Variants in NEIL3 observed in about 807,000 individuals in gnomAD.
NEIL3 encodes the protein nei like DNA glycosylase 3, also known as endonuclease 8-like 3.
A neutral mutation model predicts 57.5 loss-of-function variants in NEIL3; 48 were observed. The observed-to-expected ratio is 0.83, with a 90% CI of 0.66 to 1.06. The LOEUF is 1.06. Ranked by LOEUF, NEIL3 falls within the 50% of genes least tolerant of loss-of-function variation. The pLI, the probability that NEIL3 is intolerant of heterozygous loss-of-function variation, is 0.00. For synonymous variants in NEIL3, 261 were observed against 253.2 expected, an observed-to-expected ratio of 1.03 and a Z score of -0.29; for missense variants, 717 against 739.1, an observed-to-expected ratio of 0.97 and a Z score of 0.35.
intron 1 of NEIL3, among the ~76,000 whole-genome samples, chr4:177,314,332 T>A (rs1049434148): frequency 7.2e-5 from 11 of 152,288 alleles, no homozygotes; most frequent in African/African-American, 2.6e-4. Flanking sequence ...AAGATGAACA[T>A]ATTCGGCATG....
intron 2 of NEIL3, among the ~76,000 whole-genome samples, chr4:177,325,606 A>C (rs1381611722): frequency 6.6e-6 from 1 of 152,088 alleles, no homozygotes; most frequent in Non-Finnish European, 1.5e-5. Context: ...TGGTAAGCAT[A>C]TGTTTGACTT....
At chr4:177,330,169 C>T (rs1734855120) in intron 2 of NEIL3, among the ~76,000 whole-genome samples, 13 of 152,078 alleles carry the variant, frequency 8.5e-5, no homozygotes, top group Admixed American at 8.5e-4. Flanking sequence ...GCCTTGGCCT[C>T]CCAAAGTGCT....
At chr4:177,343,462 G>A (rs1210478216) in intron 6 of NEIL3, 2 of 152,352 alleles carry the variant, frequency 1.3e-5, no homozygotes, top group African/African-American at 4.8e-5. Context: ...GAGACTCAGG[G>A]CACCACTCGG....
At chr4:177,369,603 T>G in the NEIL3 span, among the ~76,000 whole-genome samples, 2 of 152,098 alleles carry the variant, frequency 1.3e-5, no homozygotes, top group Non-Finnish European at 2.9e-5. Context: ...AAATGATCAA[T>G]CCTGCCAGTG....
At position 177,339,839 on chromosome 4, in the gene NEIL3, C is replaced by T. The variant is rs1404960111; in HGVS notation, c.684C>T (p.Phe228=). The change falls in exon 5 of 10, where the codon TTC becomes TTT. Residue 228 remains phenylalanine (F), a synonymous_variant. Coordinates refer to ENST00000264596, the MANE Select transcript of NEIL3 (RefSeq NM_018248.3). ...IHHLMKMIRD[F]SILFYRCRKA... ...ACCTCATGAAAATGATACGTGATTT[C>T]AGCATTCTCTTTTACAGGGTAAGAG... The T allele has an allele frequency of 1.2e-6, 2 of 1,613,086 alleles. No individual in the cohort carries two copies. The highest frequency in any genetic ancestry group is 1.3e-5 in the African/African-American group (1 of 74,900).
chr4:177,352,904 T>C (rs1735389339), intron 7 of NEIL3, among the ~76,000 whole-genome samples: 2 of 152,306 alleles, frequency 1.3e-5, no homozygotes, highest in South Asian at 4.1e-4. Flanking sequence ...CACTTTGTCT[T>C]GTCATTCCTA....
At chr4:177,360,718 A>T in intron 9 of NEIL3, 41 bp downstream of exon 9, 1 of 1,466,950 alleles carries the variant, frequency 6.8e-7, no homozygotes, top group South Asian at 1.3e-5. Flanking sequence ...ATGTAATTAA[A>T]TGCTTTGGTT....
At chr4:177,310,339 C>T (rs532267503) in intron 1 of NEIL3, among the ~76,000 whole-genome samples, 1 of 152,314 alleles carries the variant, frequency 6.6e-6, no homozygotes, top group Admixed American at 6.5e-5. Context: ...GAGCAAGATG[C>T]CCTAGGGGAA....
chr4:177,343,677 C>G (rs1380741480), intron 6 of NEIL3: 1 of 152,128 alleles, frequency 6.6e-6, no homozygotes, highest in East Asian at 1.9e-4. Context: ...TCTATATCTT[C>G]TTCCACTCAG....
intron 6 of NEIL3, among the ~76,000 whole-genome samples, chr4:177,348,412 C>A (rs370112953): frequency 2.0e-5 from 3 of 152,062 alleles, no homozygotes; most frequent in African/African-American, 7.2e-5. Flanking sequence ...CCTGTGAGCT[C>A]GGAACGATGC....
chr4:177,321,235 C>G (rs1262496761), intron 1 of NEIL3, among the ~76,000 whole-genome samples: 1 of 152,102 alleles, frequency 6.6e-6, no homozygotes, highest in African/African-American at 2.4e-5. Flanking sequence ...CACTGCCCAC[C>G]AAGGTTTCGT....
chr4:177,313,711 G>A (rs937904765), intron 1 of NEIL3, among the ~76,000 whole-genome samples: 1 of 152,086 alleles, frequency 6.6e-6, no homozygotes, highest in Non-Finnish European at 1.5e-5. Context: ...TTGAAACATG[G>A]TCTGATTATT....
Position 177,348,858 on chromosome 4 carries a change from A to ATTTTTTTTTTTTTTTTTT in NEIL3, c.870-2512_870-2495dup, listed in dbSNP as rs749391559. Among the ~76,000 whole-genome samples the ATTTTTTTTTTTTTTTTTT allele has an allele frequency of 9.6e-4, 71 of 73,736 alleles. 17 individuals are homozygous for ATTTTTTTTTTTTTTTTTT. The highest frequency in any genetic ancestry group is 3.1e-3 in the African/African-American group (52 of 16,566). 48.4% of individuals were successfully genotyped at this position (73,736 alleles called of 152,430 possible). The stretch of plus-strand genomic sequence containing the variant: ...AGAATTGCAGATTGGTGGCTCATGA[A>ATTTTTTTTTTTTTTTTTT]TTTTTTTTTTTTTTTTTTTTTTTTT... On this transcript the variant is annotated intron_variant, in intron 6 of 9. Coordinates refer to ENST00000264596, the MANE Select transcript of NEIL3 (RefSeq NM_018248.3).
chr4:177,338,370 A>G (rs1735019116), intron 4 of NEIL3, among the ~76,000 whole-genome samples: 1 of 152,182 alleles, frequency 6.6e-6, no homozygotes, highest in South Asian at 2.1e-4. Context: ...CCAAGTCCAT[A>G]CATACTGAAG....
chr4:177,364,974 AAG>A (rs1406741568), downstream of NEIL3, among the ~76,000 whole-genome samples: 2 of 152,144 alleles, frequency 1.3e-5, no homozygotes, highest in African/African-American at 2.4e-5. Flanking sequence ...CCATGCAAGA[AAG>A]AGATTTTGCA....
downstream of NEIL3, among the ~76,000 whole-genome samples, chr4:177,364,157 TC>T (rs1735661272): frequency 2.0e-5 from 3 of 151,850 alleles, no homozygotes; most frequent in South Asian, 6.3e-4. Flanking sequence ...CAGCGTTCTT[TC>T]AGACTTAATT....
intron 8 of NEIL3, 73 bp from the exon 9 acceptor site, chr4:177,360,428 CAT>C (rs1735583392): frequency 3.9e-6 from 4 of 1,036,916 alleles, no homozygotes; most frequent in Non-Finnish European, 5.4e-6. Flanking sequence ...GAAATTCTGA[CAT>C]GTGGGGGTAA....
chr4:177,351,845 C>T (rs559576890), intron 7 of NEIL3, among the ~76,000 whole-genome samples: 5 of 152,252 alleles, frequency 3.3e-5, no homozygotes, highest in Admixed American at 3.3e-4. Flanking sequence ...TTCAATAAAG[C>T]TTTGTTTTAT....
At chr4:177,357,915 C>G (rs545583365) in intron 8 of NEIL3, among the ~76,000 whole-genome samples, 1 of 152,222 alleles carries the variant, frequency 6.6e-6, no homozygotes, top group Non-Finnish European at 1.5e-5. Context: ...ATTCTGTATG[C>G]TACATTTAAG....
Sources: gnomAD v4.1 joint callset for allele counts (sites outside exome capture counted in the v4.1 genomes callset) on GRCh38, gnomAD v4.1.1 for gene constraint, MANE v1.5 for transcripts, NCBI Gene and HGNC (gene_info 2026-07-23, HGNC 2026-07-21) for gene names.